DLGAP2: variants seen among roughly 807,000 people sequenced by gnomAD.
The protein encoded by DLGAP2 is disks large-associated protein 2.
Under a neutral mutation model 100.3 loss-of-function variants are expected in DLGAP2, and 26 were observed. That is an observed-to-expected ratio of 0.26 (90% CI 0.19 to 0.36). The LOEUF (loss-of-function observed/expected upper bound fraction) is 0.36, where lower values mean the gene tolerates loss of function less well. Among genes scored for constraint, DLGAP2 ranks in the 10% least tolerant of loss-of-function variants. The pLI, the probability that DLGAP2 is intolerant of heterozygous loss-of-function variation, is 1.00. For synonymous variants in DLGAP2, 886 were observed against 630.1 expected (o/e 1.41, Z -6.08); for missense variants, 1,858 against 1,453.2 (o/e 1.28, Z -4.53).
At chr8:892,844 C>T (rs905093265) in intron 1 of DLGAP2, among the ~76,000 whole-genome samples, 2 of 152,168 alleles carry the variant, frequency 1.3e-5, no homozygotes, top group Non-Finnish European at 2.9e-5. Flanking sequence ...CTTAGTCCTA[C>T]AGAAATGTTA....
At chr8:1,572,988 G>GT (rs1246934037) in intron 6 of DLGAP2, among the ~76,000 whole-genome samples, 1 of 123,686 alleles carries the variant, frequency 8.1e-6, no homozygotes, top group African/African-American at 3.1e-5. Context: ...AGGGTGAACT[G>GT]GAGGGGCGTC....
rs1483913869 is a variant in DLGAP2, at chr8:1,237,896, C to G, written c.74-20955C>G. 3.8e-4 allele frequency among the ~76,000 whole-genome samples: 4 copies of G among 10,548 alleles called. 1 individual carries two copies. In the African/African-American group the frequency reaches 3.9e-3, roughly 10 times the overall value. The allele number at this position is 10,548 out of a possible 152,430, so 6.9% of individuals were successfully genotyped here. A position where few individuals can be genotyped will look rare whatever the true frequency, so the allele number is the denominator to read the frequency against. On this transcript the variant is annotated intron_variant, in intron 2 of 14. Transcript: ENST00000637795. ...CCGTGTCTAGTTCTCTCACATGGTG[C>G]CGTATCTAGTTCTCTCTCACGCATA...
chr8:1,283,837 T>A (rs1245920383), intron 3 of DLGAP2, among the ~76,000 whole-genome samples: 6 of 152,230 alleles, frequency 3.9e-5, no homozygotes, highest in Non-Finnish European at 1.5e-5. Flanking sequence ...ACACTTAAAG[T>A]ATGAGAGTAA....
At chr8:1,515,210 A>T (rs1444093996) in intron 4 of DLGAP2, among the ~76,000 whole-genome samples, 1 of 152,168 alleles carries the variant, frequency 6.6e-6, no homozygotes, top group African/African-American at 2.4e-5. Flanking sequence ...GCAGCCGATG[A>T]GCACACCCAC....
chr8:1,525,757 G>A (rs936804832), intron 4 of DLGAP2, among the ~76,000 whole-genome samples: 1 of 152,264 alleles, frequency 6.6e-6, no homozygotes, highest in African/African-American at 2.4e-5. Flanking sequence ...GTGTTGGGCA[G>A]TGATGGAGCC....
intron 2 of DLGAP2, among the ~76,000 whole-genome samples, chr8:1,177,433 C>G (rs759324731): frequency 3.9e-5 from 6 of 152,018 alleles, no homozygotes; most frequent in African/African-American, 1.4e-4. Context: ...CCTGACTTTC[C>G]CACCATCTTT....
At chr8:1,154,290 C>T (rs372496603) in intron 2 of DLGAP2, among the ~76,000 whole-genome samples, 1 of 152,254 alleles carries the variant, frequency 6.6e-6, no homozygotes, top group African/African-American at 2.4e-5. Context: ...GAGTTACTGA[C>T]CTGGGGTGAG....
chr8:1,227,211 T>G, intron 2 of DLGAP2, among the ~76,000 whole-genome samples: 1 of 135,986 alleles, frequency 7.4e-6, no homozygotes, highest in African/African-American at 3.0e-5. Context: ...TTTAAGAGTG[T>G]TATATATATA....
intron 1 of DLGAP2, among the ~76,000 whole-genome samples, chr8:762,205 A>G (rs181704138): frequency 1.7e-4 from 26 of 152,348 alleles, no homozygotes; most frequent in African/African-American, 5.8e-4. Context: ...AGAAACTAAT[A>G]TTCATCCGTG....
chr8:1,252,886 C>G (rs1483966726), intron 2 of DLGAP2, among the ~76,000 whole-genome samples: 1 of 152,220 alleles, frequency 6.6e-6, no homozygotes, highest in Non-Finnish European at 1.5e-5. Flanking sequence ...CCCTGTGTCT[C>G]TTAGTCACTG....
intron 3 of DLGAP2, among the ~76,000 whole-genome samples, chr8:1,356,385 G>A (rs1801851109): frequency 6.6e-6 from 1 of 152,182 alleles, no homozygotes; most frequent in Admixed American, 6.5e-5. Flanking sequence ...TTAAGTTTAG[G>A]ATGCCAACCA....
chr8:1,326,990 G>A (rs139771833), intron 3 of DLGAP2, among the ~76,000 whole-genome samples: 13 of 152,328 alleles, frequency 8.5e-5, no homozygotes, highest in Admixed American at 8.5e-4. Context: ...CAGGCCTTGG[G>A]CTATGAGGGT....
At chr8:1,196,710 C>T (rs762310503) in intron 2 of DLGAP2, among the ~76,000 whole-genome samples, 2 of 152,164 alleles carry the variant, frequency 1.3e-5, no homozygotes, top group Admixed American at 6.5e-5. Context: ...TCCCAAGCAG[C>T]CGCACGTTGT....
At chr8:1,036,080 C>T (rs1802111518) in intron 2 of DLGAP2, among the ~76,000 whole-genome samples, 1 of 133,562 alleles carries the variant, frequency 7.5e-6, no homozygotes, top group Non-Finnish European at 1.6e-5. Flanking sequence ...AGTGGGTTCA[C>T]AGCCTCATCC....
intron 3 of DLGAP2, among the ~76,000 whole-genome samples, chr8:1,320,779 C>T (rs1389086009): frequency 1.3e-5 from 2 of 152,220 alleles, no homozygotes; most frequent in Non-Finnish European, 2.9e-5. Flanking sequence ...CATAGCCCCA[C>T]AAGAACAGTG....
At chr8:1,220,948 T>G (rs1798303405) in intron 2 of DLGAP2, among the ~76,000 whole-genome samples, 1 of 152,228 alleles carries the variant, frequency 6.6e-6, no homozygotes, top group Non-Finnish European at 1.5e-5. Context: ...TTCCATTTGC[T>G]TGATAGATCT....
chr8:1,253,152 C>G (rs980447283), intron 2 of DLGAP2, among the ~76,000 whole-genome samples: 6 of 152,224 alleles, frequency 3.9e-5, no homozygotes, highest in East Asian at 1.9e-4. Flanking sequence ...TGGGTTGGAA[C>G]CAGCCTCAGG....
At chr8:1,380,516 C>G (rs770376133) in intron 3 of DLGAP2, among the ~76,000 whole-genome samples, 8 of 150,904 alleles carry the variant, frequency 5.3e-5, no homozygotes, top group Admixed American at 6.7e-5. Context: ...TTGTGATAAG[C>G]GAGGCTTTTT....
chr8:1,462,820 C>A (rs550325916), intron 3 of DLGAP2, among the ~76,000 whole-genome samples: 21 of 152,358 alleles, frequency 1.4e-4, no homozygotes, highest in Admixed American at 1.3e-3. Flanking sequence ...CAGGCCCCCA[C>A]ACGGCGGCGG....
Sources: allele counts gnomAD v4.1 joint callset (sites outside exome capture counted in the v4.1 genomes callset), GRCh38; gene constraint gnomAD v4.1.1; transcripts MANE v1.5; gene names NCBI Gene and HGNC (gene_info 2026-07-23, HGNC 2026-07-21).